SI: variants seen among roughly 807,000 people sequenced by gnomAD.
SI encodes the protein sucrase-isomaltase, intestinal.
A neutral mutation model predicts 253.3 loss-of-function variants in SI; 235 were observed. That is an observed-to-expected ratio of 0.93 (90% CI 0.83 to 1.03). SI has a LOEUF of 1.03. Ranked by LOEUF, SI falls within the 50% of genes least tolerant of loss-of-function variation. The pLI is 0.00. For missense variants in SI, 2,442 were observed against 2,211.1 expected (o/e 1.10, Z -2.09); for synonymous variants, 819 against 712.0 (o/e 1.15, Z -2.39).
intron 13 of SI, among the ~76,000 whole-genome samples, chr3:165,052,147 G>T (rs554892392): frequency 2.0e-5 from 3 of 152,086 alleles, no homozygotes; most frequent in African/African-American, 4.8e-5. Flanking sequence ...TATTTTAAAA[G>T]AATTTATCTA....
intron 3 of SI, among the ~76,000 whole-genome samples, chr3:165,072,154 C>CT (rs940235867): frequency 7.9e-5 from 12 of 151,190 alleles, no homozygotes; most frequent in South Asian, 6.3e-4. Context: ...TAAGATAAAT[C>CT]TTTTTTTTTA....
intron 41 of SI, among the ~76,000 whole-genome samples, chr3:164,993,365 A>C (rs991514175): frequency 1.3e-5 from 2 of 150,290 alleles, no homozygotes; most frequent in Non-Finnish European, 3.0e-5. Flanking sequence ...TTGAATCCAG[A>C]AAGAATCTTT....
chr3:165,073,570 T>A (rs1272152256), intron 3 of SI, among the ~76,000 whole-genome samples: 1 of 152,034 alleles, frequency 6.6e-6, no homozygotes, highest in African/African-American at 2.4e-5. Flanking sequence ...TTAATTTGTG[T>A]GTGGTAAGGT....
chr3:165,023,848 G>T, intron 25 of SI, 72 bp from the exon 26 acceptor site: 1 of 1,028,006 alleles, frequency 9.7e-7, no homozygotes, highest in Non-Finnish European at 1.5e-6. Context: ...AAATTATACT[G>T]ACGTTTAGTC....
chr3:164,987,233 G>T lies in SI; in HGVS notation c.5109-7C>A, dbSNP rs776067284. The T allele has an allele frequency of 6.2e-7, 1 of 1,608,136 alleles. No homozygotes were observed. Among genetic ancestry groups the T allele is most frequent in the Admixed American group, 1.7e-5 (1 of 59,948 alleles). ...CTTCATGTGTTTTTGTCGACTATAA[G>T]AAAGAAATATATAATTTTACCCATG... On this transcript the variant is annotated splice_region_variant and splice_polypyrimidine_tract_variant and intron_variant, in intron 44 of 47. Coordinates refer to ENST00000264382, the MANE Select transcript of SI (RefSeq NM_001041.4).
At chr3:165,039,812 A>C in intron 19 of SI, 75 bp downstream of exon 19, 1 of 992,560 alleles carries the variant, frequency 1.0e-6, no homozygotes, top group South Asian at 1.3e-5. Context: ...TCTATTATTC[A>C]GATGTTTTGT....
chr3:165,062,446 T>C lies in SI; in HGVS notation c.945A>G (p.Arg315=), dbSNP rs1411483593. The C allele has an allele frequency of 6.9e-6, 11 of 1,603,476 alleles. No homozygotes were observed. The highest frequency in any genetic ancestry group is 1.3e-5 in the African/African-American group (1 of 74,764). ...FIQPTPIVTY[R]VTGGILDFYI... ...AAAAATCCAGAATGCCACCGGTAAC[T>C]CTATATGTTACTATTGGAGTAGGCT... is the stretch of plus-strand genomic sequence containing the variant. The change falls in exon 9 of 48, where the codon AGA becomes AGG. Residue 315 remains arginine (R), a synonymous_variant. Transcript: ENST00000264382.
At chr3:165,039,863 G>T (rs758162521) in intron 19 of SI, 24 bp downstream of exon 19, 18 of 1,502,942 alleles carry the variant, frequency 1.2e-5, no homozygotes, top group Middle Eastern at 3.4e-4. Flanking sequence ...CAAACAATAA[G>T]GTTATTAAAC....
At chr3:164,982,000 T>C (rs1037540642) in intron 47 of SI, among the ~76,000 whole-genome samples, 6 of 152,166 alleles carry the variant, frequency 3.9e-5, no homozygotes, top group African/African-American at 1.4e-4. Context: ...TTTAAAGTTT[T>C]AAGTTAATTT....
rs545805266 is a variant in SI at position 164,980,294 on chromosome 3, A to G, written c.5416-864T>C. Among the ~76,000 whole-genome samples the G allele has an allele frequency of 3.9e-5, 6 of 152,090 alleles. No homozygotes were observed. In the East Asian group the frequency reaches 1.2e-3, roughly 29 times the overall value. On this transcript the variant is annotated intron_variant, in intron 47 of 47. Transcript: ENST00000264382. ...AATTGAGTATTCGTTAGACAGGTTT[A>G]AAACAGATCCATCTTGTAACAAAAC...
intron 3 of SI, chr3:165,074,326 A>C (rs1279142349): frequency 1.0e-5 from 3 of 294,600 alleles, no homozygotes; most frequent in African/African-American, 4.4e-5. Flanking sequence ...TTAACTTGTT[A>C]ATTTAAATTG....
chr3:165,065,026 A>G (rs988175814), intron 7 of SI, among the ~76,000 whole-genome samples: 4 of 151,994 alleles, frequency 2.6e-5, no homozygotes, highest in Non-Finnish European at 5.9e-5. Context: ...AAGTCAAAAT[A>G]AAACATTTTT....
intron 45 of SI, among the ~76,000 whole-genome samples, chr3:164,986,147 G>C (rs76300795): frequency 6.6e-6 from 1 of 151,986 alleles, no homozygotes. Flanking sequence ...TGTACATTTT[G>C]GGGGCTCAAA....
At chr3:165,067,563 A>T in intron 5 of SI, 72 bp from the exon 6 acceptor site, 1 of 1,274,190 alleles carries the variant, frequency 7.8e-7, no homozygotes, top group Non-Finnish European at 1.1e-6. Flanking sequence ...CTGAATTATT[A>T]AATGCAAGTT....
intron 25 of SI, among the ~76,000 whole-genome samples, chr3:165,025,556 A>C (rs2065845114): frequency 6.6e-6 from 1 of 151,250 alleles, no homozygotes; most frequent in South Asian, 2.1e-4. Flanking sequence ...CTGTCAGGTT[A>C]TCTAAAGTTA....
At chr3:165,038,505 C>A (rs1048715860) in intron 20 of SI, among the ~76,000 whole-genome samples, 2 of 148,912 alleles carry the variant, frequency 1.3e-5, no homozygotes, top group African/African-American at 4.9e-5. Context: ...GTCAGGAGAT[C>A]GAGACTATCC....
intron 37 of SI, among the ~76,000 whole-genome samples, chr3:165,000,527 T>G (rs112176433): frequency 6.6e-6 from 1 of 151,536 alleles, no homozygotes; most frequent in Non-Finnish European, 1.5e-5. Flanking sequence ...GTATAATGTA[T>G]GAAAACATCA....
At chr3:165,072,422 C>CA (rs1342442707) in intron 3 of SI, among the ~76,000 whole-genome samples, 5 of 151,026 alleles carry the variant, frequency 3.3e-5, no homozygotes, top group Admixed American at 2.0e-4. Context: ...ATAACAACAA[C>CA]AACAACAAAA....
intron 16 of SI, among the ~76,000 whole-genome samples, chr3:165,045,447 G>A (rs757739007): frequency 2.0e-5 from 3 of 151,900 alleles, no homozygotes; most frequent in Non-Finnish European, 4.4e-5. Context: ...AAATACATTT[G>A]AATATTGCTT....
Sources: gnomAD v4.1 joint callset for allele counts (sites outside exome capture counted in the v4.1 genomes callset) on GRCh38, gnomAD v4.1.1 for gene constraint, MANE v1.5 for transcripts, NCBI Gene and HGNC (gene_info 2026-07-23, HGNC 2026-07-21) for gene names.